Variants in COX5B observed in about 807,000 individuals in gnomAD.
The protein encoded by COX5B is cytochrome c oxidase subunit 5B, mitochondrial.
COX5B carries 8 observed loss-of-function variants against 16.2 expected under a neutral mutation model. The observed-to-expected ratio is 0.49, with a 90% confidence interval of 0.29 to 0.89. The LOEUF (loss-of-function observed/expected upper bound fraction) is 0.89. COX5B is among the 40% of genes least tolerant of loss of function. COX5B has a pLI of 0.08. For missense variants in COX5B, 161 were observed against 168.7 expected, an observed-to-expected ratio of 0.95 and a Z score of 0.25; for synonymous variants, 65 against 67.6, an observed-to-expected ratio of 0.96 and a Z score of 0.19.
chr2:97,647,274 A>AG, intron 2 of COX5B, 70 bp from the exon 3 acceptor site: 1 of 1,540,564 alleles, frequency 6.5e-7, no homozygotes, highest in East Asian at 2.2e-5. Context: ...TCTGGAAGGT[A>AG]GGGCTTATTT....
intron 3 of COX5B, 56 bp from the exon 4 acceptor site, chr2:97,647,940 T>C: frequency 1.4e-6 from 2 of 1,472,306 alleles, no homozygotes; most frequent in Non-Finnish European, 1.9e-6. Flanking sequence ...GAAATTCATG[T>C]TGAAAGTCTC....
chr2:97,647,551 A>G, intron 3 of COX5B, 108 bp downstream of exon 3: 1 of 953,816 alleles, frequency 1.0e-6, no homozygotes, highest in Non-Finnish European at 1.6e-6. Context: ...AAGTTTGTCT[A>G]AGGGTCTTGA....
chr2:97,646,776 A>G, intron 1 of COX5B: 1 of 292,382 alleles, frequency 3.4e-6, no homozygotes, highest in Admixed American at 4.3e-5. Context: ...TAAACCCGGG[A>G]GGCGGAGGTT....
intron 2 of COX5B, 30 bp from the exon 3 acceptor site, chr2:97,647,309 TTTTTG>T (rs752541397): frequency 1.8e-5 from 28 of 1,594,694 alleles, no homozygotes; most frequent in African/African-American, 2.7e-5. Context: ...ATTCTTGTTT[TTTTTG>T]TTTTGTTTTG....
At chr2:97,647,178 T>C in intron 2 of COX5B, 38 bp downstream of exon 2, 1 of 1,605,174 alleles carries the variant, frequency 6.2e-7, no homozygotes, top group Non-Finnish European at 8.5e-7. Flanking sequence ...CTGTGTAACT[T>C]ATGGCCTTGG....
At chr2:97,647,611 C>T (rs922650128) in intron 3 of COX5B, among the ~76,000 whole-genome samples, 168 bp downstream of exon 3, 2 of 152,174 alleles carry the variant, frequency 1.3e-5, no homozygotes, top group African/African-American at 2.4e-5. Flanking sequence ...TGGAAAGAAG[C>T]GCAGCACAGC....
intron 1 of COX5B, 24 bp from the exon 2 acceptor site, chr2:97,647,043 A>G (rs1180676896): frequency 2.5e-6 from 4 of 1,611,730 alleles, no homozygotes; most frequent in Non-Finnish European, 2.5e-6. Context: ...AGTCAGCGTC[A>G]TAATTCACGT....
At position 97,648,166 on chromosome 2, in the gene COX5B, T is replaced by G; in HGVS notation, c.*58T>G. Reference sequence around the variant, plus strand: ...AAAGTTTCTTCTTTCCAGTAAAGACTAGCCATTGCATTGGCTCCTTCTCCC... The same window carrying G: ...AAAGTTTCTTCTTTCCAGTAAAGACGAGCCATTGCATTGGCTCCTTCTCCC... On this transcript the variant is annotated 3_prime_UTR_variant, in exon 4 of 4. Coordinates refer to ENST00000258424, the MANE Select transcript of COX5B (RefSeq NM_001862.3). The G allele has an allele frequency of 7.2e-7, 1 of 1,396,820 alleles. No homozygotes were observed. Among genetic ancestry groups the G allele is most frequent in the Non-Finnish European group, 9.7e-7 (1 of 1,028,938 alleles). 86.5% of individuals were successfully genotyped at this position (1,396,820 alleles called of 1,614,324 possible).
At chr2:97,646,760 A>C in intron 1 of COX5B, 1 of 277,112 alleles carries the variant, frequency 3.6e-6, no homozygotes, top group Non-Finnish European at 7.1e-6. Flanking sequence ...AGGCAGGAGA[A>C]TCGCTTAAAC....
chr2:97,646,894 T>A, intron 1 of COX5B, 173 bp from the exon 2 acceptor site: 1 of 578,916 alleles, frequency 1.7e-6, no homozygotes, highest in East Asian at 3.0e-5. Context: ...CTTGTGTGGA[T>A]GGGTACTTGG....
chr2:97,646,701 AG>A, intron 1 of COX5B: 1 of 221,458 alleles, frequency 4.5e-6, no homozygotes, highest in East Asian at 1.1e-4. Context: ...TACAAAAATT[AG>A]CCGGGCGTGG....
At chr2:97,647,911 C>A in intron 3 of COX5B, 85 bp from the exon 4 acceptor site, 1 of 1,126,232 alleles carries the variant, frequency 8.9e-7, no homozygotes, top group Non-Finnish European at 1.3e-6. Context: ...ACTTGTGTAT[C>A]AGAGATGTCT....
intron 1 of COX5B, chr2:97,646,421 T>G (rs1674655086): frequency 1.9e-6 from 1 of 517,554 alleles, no homozygotes; most frequent in Non-Finnish European, 3.4e-6. Context: ...CGGGTGACCT[T>G]GGGAGGGACC....
Position 97,648,242 on chromosome 2 carries a change from A to G in COX5B, c.*134A>G, listed in dbSNP as rs1674691160. The G allele has an allele frequency of 5.1e-6, 4 of 790,610 alleles. No homozygotes were observed. The highest frequency in any genetic ancestry group is 2.8e-5 in the East Asian group (1 of 35,398). The allele number at this position is 790,610 out of a possible 1,614,324, so 49.0% of individuals were successfully genotyped here. A position where few individuals can be genotyped will look rare whatever the true frequency, so the allele number is the denominator to read the frequency against. On this transcript the variant is annotated 3_prime_UTR_variant, in exon 4 of 4. Transcript: ENST00000258424. ...CCGTATTCTTTGGTAGGCATGGAAT[A>G]TGCTTATTTTGGGAAAAGCTGTCTG...
chr2:97,648,126 C>G lies in COX5B; in HGVS notation c.*18C>G, dbSNP rs1674689416. The G allele has an allele frequency of 6.4e-7, 1 of 1,570,960 alleles. No individual in the cohort carries two copies. Reference sequence around the variant, plus strand: ...CACACTGAGCACCTGCACTAAATTACTCAAAATGTGCTGTAAAGTTTCTTC... The same window carrying G: ...CACACTGAGCACCTGCACTAAATTAGTCAAAATGTGCTGTAAAGTTTCTTC... On this transcript the variant is annotated 3_prime_UTR_variant, in exon 4 of 4. Coordinates refer to ENST00000258424, the MANE Select transcript of COX5B (RefSeq NM_001862.3).
intron 2 of COX5B, 100 bp downstream of exon 2, chr2:97,647,240 C>T: frequency 6.6e-7 from 1 of 1,519,726 alleles, no homozygotes; most frequent in Non-Finnish European, 9.1e-7. Context: ...GGAAACTTGG[C>T]TTGTAGGAAC....
chr2:97,646,957 C>T, intron 1 of COX5B, 110 bp from the exon 2 acceptor site: 2 of 1,127,754 alleles, frequency 1.8e-6, no homozygotes, highest in Non-Finnish European at 2.6e-6. Flanking sequence ...TGTGAGCCCG[C>T]TAAAACTTAT....
chr2:97,647,566 C>T (rs1159010024), intron 3 of COX5B, 123 bp downstream of exon 3: 23 of 824,990 alleles, frequency 2.8e-5, no homozygotes, highest in Admixed American at 1.3e-4. Context: ...TCTTGACACT[C>T]TCAAGCCTCA....
At chr2:97,646,471 C>G (rs1239105406) in intron 1 of COX5B, 2 of 429,462 alleles carry the variant, frequency 4.7e-6, no homozygotes, top group Non-Finnish European at 8.4e-6. Flanking sequence ...GGCCTCCCTT[C>G]AAACCTGCGC....
Sources: gnomAD v4.1 joint callset for allele counts (sites outside exome capture counted in the v4.1 genomes callset) on GRCh38, gnomAD v4.1.1 for gene constraint, MANE v1.5 for transcripts, NCBI Gene and HGNC (gene_info 2026-07-23, HGNC 2026-07-21) for gene names.